MFAP5: variants seen among roughly 807,000 people sequenced by gnomAD.
The protein encoded by MFAP5 is microfibril associated protein 5.
MFAP5 carries 19 observed loss-of-function variants against 30.1 expected under a neutral mutation model. That is an observed-to-expected ratio of 0.63 (90% confidence interval 0.44 to 0.93). The LOEUF is 0.93. MFAP5 is among the 40% of genes least tolerant of loss of function. The pLI is 0.00. For synonymous variants in MFAP5, 92 were observed against 72.9 expected, an observed-to-expected ratio of 1.26 and a Z score of -1.33; for missense variants, 210 against 221.3, an observed-to-expected ratio of 0.95 and a Z score of 0.32.
intron 3 of MFAP5, among the ~76,000 whole-genome samples, chr12:8,657,566 CTTTTTTTTTTT>C (rs35916052): frequency 1.6e-5 from 2 of 128,110 alleles, no homozygotes; most frequent in Admixed American, 1.6e-4. Flanking sequence ...TTTGCTTTGA[CTTTTTTTTTTT>C]TTTTTTTTTT....
In MFAP5 at chr12:8,656,591, TACAC is replaced by T. The variant is rs1268100031; in HGVS notation, c.95-765_95-762del. Among the ~76,000 whole-genome samples, 128 of 130,850 alleles carry T rather than the reference TACAC, an allele frequency of 9.8e-4. 2 individuals are homozygous for T. Among genetic ancestry groups the T allele is most frequent in the African/African-American group, 3.9e-3 (122 of 31,626 alleles). 85.8% of individuals were successfully genotyped at this position (130,850 alleles called of 152,430 possible). A position where few individuals can be genotyped will look rare whatever the true frequency, so the allele number is the denominator to read the frequency against. ...CCTGGCTAATATATATATATATATA[TACAC>T]ACACACACACACACATATATATACA... On this transcript the variant is annotated intron_variant, in intron 3 of 9. Transcript: ENST00000359478.
rs1425468270 is a variant in MFAP5 at position 8,654,217 on chromosome 12, C to G, written c.217+220G>C. The G allele has an allele frequency of 2.3e-5, 11 of 469,458 alleles. No individual in the cohort carries two copies. In the Admixed American group the frequency reaches 4.1e-4, roughly 18 times the overall value. The allele number at this position is 469,458 out of a possible 1,614,324, so 29.1% of individuals were successfully genotyped here. The stretch of plus-strand genomic sequence containing the variant: ...GTTTATACTTTTATCTTGCCTTTAC[C>G]CATCAAGTCTTGAAACTTTGAGAGA... On this transcript the variant is annotated intron_variant, in intron 6 of 9. Coordinates refer to ENST00000359478, the MANE Select transcript of MFAP5 (RefSeq NM_003480.4).
At chr12:8,648,273 G>T (rs1941739339) in intron 9 of MFAP5, 70 bp from the exon 10 acceptor site, 2 of 1,325,496 alleles carry the variant, frequency 1.5e-6, no homozygotes, top group South Asian at 2.5e-5. Flanking sequence ...TTAAGGGATA[G>T]AGAAGACTTT....
At chr12:8,649,119 T>C (rs1013303831) in intron 9 of MFAP5, among the ~76,000 whole-genome samples, 1 of 152,234 alleles carries the variant, frequency 6.6e-6, no homozygotes, top group Non-Finnish European at 1.5e-5. Flanking sequence ...GTGTATGTTT[T>C]ATTTTTAGTT....
chr12:8,654,369 T>A, intron 6 of MFAP5, 68 bp downstream of exon 6: 1 of 1,459,134 alleles, frequency 6.9e-7, no homozygotes. Flanking sequence ...CTGCACACTA[T>A]CCAGAATGGG....
chr12:8,648,102 TGG>T lies in MFAP5; in HGVS notation c.509_510del (p.Pro170GlnfsTer29). On this transcript the variant is annotated frameshift_variant, in exon 10 of 10. Coordinates refer to ENST00000359478, the MANE Select transcript of MFAP5 (RefSeq NM_003480.4). LOFTEE classifies it high-confidence loss of function. ...CTCTTTTTCAATGATCACAGACCAT[TGG>T]GTCTCTGCAAATCCACATTTTCACA... ...PPCENVDLQR[P>X]NGL The T allele has an allele frequency of 6.2e-7, 1 of 1,612,152 alleles. No individual in the cohort carries two copies. The highest frequency in any genetic ancestry group is 8.5e-7 in the Non-Finnish European group (1 of 1,178,238).
At chr12:8,649,945 CCT>C (rs1941789419) in intron 8 of MFAP5, among the ~76,000 whole-genome samples, 3 of 152,160 alleles carry the variant, frequency 2.0e-5, no homozygotes, top group Admixed American at 6.5e-5. Context: ...CACTCTTTCC[CCT>C]GAGTCCCCAA....
chr12:8,661,652 G>A (rs1942154796), intron 2 of MFAP5, among the ~76,000 whole-genome samples: 1 of 151,778 alleles, frequency 6.6e-6, no homozygotes, highest in Admixed American at 6.6e-5. Flanking sequence ...TAGGAGTATA[G>A]GTGTGAGCCC....
intron 9 of MFAP5, among the ~76,000 whole-genome samples, chr12:8,649,098 T>C (rs1250690718): frequency 6.6e-6 from 1 of 152,220 alleles, no homozygotes; most frequent in African/African-American, 2.4e-5. Context: ...TCCAAATTAG[T>C]GCATGTGCGT....
chr12:8,650,619 A>C (rs1268490192), intron 7 of MFAP5, 30 bp from the exon 8 acceptor site: 2 of 1,575,368 alleles, frequency 1.3e-6, no homozygotes, highest in South Asian at 1.1e-5. Context: ...AAAAATAAGG[A>C]GGTCCAAATA....
At chr12:8,660,523 C>T (rs116772204) in intron 3 of MFAP5, among the ~76,000 whole-genome samples, 2,613 of 152,068 alleles carry the variant, frequency 0.017, 56 homozygotes, top group African/African-American at 0.057. Context: ...AATTAAGGAA[C>T]GCTTTTTGTA....
At chr12:8,661,035 A>T (rs2136483934) in intron 2 of MFAP5, 137 bp from the exon 3 acceptor site, 2 of 615,494 alleles carry the variant, frequency 3.2e-6, no homozygotes. Flanking sequence ...AGCTCAATAT[A>T]AAATTACTGA....
At chr12:8,662,244 C>A (rs1942175538) in intron 1 of MFAP5, 138 bp from the exon 2 acceptor site, 3 of 648,806 alleles carry the variant, frequency 4.6e-6, no homozygotes, top group Non-Finnish European at 7.9e-6. Flanking sequence ...TGACTCAAAC[C>A]CTTTCTCTCT....
chr12:8,653,144 A>G (rs1406422004), intron 6 of MFAP5, among the ~76,000 whole-genome samples: 2 of 151,596 alleles, frequency 1.3e-5, no homozygotes, highest in African/African-American at 2.4e-5. Context: ...GTGAGCCAAG[A>G]TCGCGCTATT....
chr12:8,654,370 C>A, intron 6 of MFAP5, 67 bp downstream of exon 6: 1 of 1,471,178 alleles, frequency 6.8e-7, no homozygotes, highest in Non-Finnish European at 9.3e-7. Context: ...TGCACACTAT[C>A]CAGAATGGGC....
chr12:8,650,225 GTAA>G (rs1565522331), intron 8 of MFAP5, among the ~76,000 whole-genome samples: 1 of 152,028 alleles, frequency 6.6e-6, no homozygotes. Context: ...CTTCTATCAG[GTAA>G]TAAATTGAGC....
At chr12:8,654,411 C>T (rs1941925331) in intron 6 of MFAP5, 26 bp downstream of exon 6, 10 of 1,584,918 alleles carry the variant, frequency 6.3e-6, no homozygotes, top group Middle Eastern at 1.7e-4. Context: ...GCCCTGATGA[C>T]CTGGGGGTCC....
intron 3 of MFAP5, among the ~76,000 whole-genome samples, chr12:8,657,717 A>G (rs60637259): frequency 0.12 from 18,624 of 151,418 alleles, 1,478 homozygotes; most frequent in African/African-American, 0.23. Context: ...GGACACAGGC[A>G]TGTGCCACCA....
chr12:8,657,655 C>T (rs1942043848), intron 3 of MFAP5, among the ~76,000 whole-genome samples: 2 of 150,334 alleles, frequency 1.3e-5, no homozygotes, highest in African/African-American at 4.9e-5. Flanking sequence ...TCACTGCAAC[C>T]TCCGCCTCCC....
Sources: allele counts gnomAD v4.1 joint callset (sites outside exome capture counted in the v4.1 genomes callset), GRCh38; gene constraint gnomAD v4.1.1; transcripts MANE v1.5; gene names NCBI Gene and HGNC (gene_info 2026-07-23, HGNC 2026-07-21).